Variants in REV1 observed in about 807,000 individuals in gnomAD.
REV1 encodes translesion synthesis protein REV1.
In REV1, 42 loss-of-function variants were observed where a neutral mutation model predicts 137.4. The observed-to-expected ratio is 0.31, with a 90% confidence interval of 0.24 to 0.40. The LOEUF (loss-of-function observed/expected upper bound fraction) is 0.40. Among genes scored for constraint, REV1 ranks in the 10% least tolerant of loss-of-function variants. The pLI, the probability that REV1 is intolerant of heterozygous loss-of-function variation, is 1.00. For synonymous variants in REV1, 524 were observed against 519.2 expected (o/e 1.01, Z -0.12); for missense variants, 1,282 against 1,490.1 (o/e 0.86, Z 2.30).
intron 3 of REV1, 43 bp downstream of exon 3, chr2:99,462,452 AT>A (rs1282967378): frequency 1.3e-6 from 2 of 1,549,730 alleles, no homozygotes; most frequent in African/African-American, 2.8e-5. Flanking sequence ...CTCAATCCTA[AT>A]AAAAATACAT....
Position 99,406,404 on chromosome 2 carries a change from A to G in REV1, c.2535T>C (p.Phe845=). Residue 845 remains phenylalanine (F), a synonymous_variant, in exon 16 of 23, where the codon TTT becomes TTC. Coordinates refer to ENST00000258428, the MANE Select transcript of REV1 (RefSeq NM_016316.4). ...PSRPSVQSSH[F]PSGSYSVRDV... ...CACGGACAGAGTATGACCCACTAGG[A>G]AAGTGGCTTGACTGAACTGATGGGC... 2 of 1,613,948 alleles carry G rather than the reference A, an allele frequency of 1.2e-6. No individual in the cohort carries two copies. Among genetic ancestry groups the G allele is most frequent in the Non-Finnish European group, 1.7e-6 (2 of 1,179,838 alleles).
At chr2:99,461,467 A>T (rs28369952) in intron 3 of REV1, among the ~76,000 whole-genome samples, 20 of 152,224 alleles carry the variant, frequency 1.3e-4, no homozygotes, top group Non-Finnish European at 2.9e-5. Context: ...AAGTCACCTA[A>T]ATCAGTATGA....
chr2:99,447,608 G>A (rs1161745640), intron 4 of REV1, among the ~76,000 whole-genome samples: 1 of 152,316 alleles, frequency 6.6e-6, no homozygotes, highest in East Asian at 1.9e-4. Context: ...GCTAGGCACT[G>A]CACCAGGTTG....
Position 99,424,817 on chromosome 2 carries a change from C to T in REV1, c.1548-537G>A, listed in dbSNP as rs919405148. 36 of 1,304,206 alleles carry T rather than the reference C, an allele frequency of 2.8e-5. 1 individual carries two copies. The East Asian group carries it at 1.1e-3, about 40-fold the overall frequency. The allele number at this position is 1,304,206 out of a possible 1,614,324, so 80.8% of individuals were successfully genotyped here. On this transcript the variant is annotated intron_variant, in intron 9 of 22. Transcript: ENST00000258428. Reference sequence around the variant, plus strand: ...CAATTCCATGCTCCTGAAGTGGCTCCACAGTGGTTGAGATGCCAACAGCAT... The same window carrying T: ...CAATTCCATGCTCCTGAAGTGGCTCTACAGTGGTTGAGATGCCAACAGCAT...
intron 4 of REV1, among the ~76,000 whole-genome samples, chr2:99,444,766 C>T (rs1161183216): frequency 6.6e-6 from 1 of 152,136 alleles, no homozygotes; most frequent in Non-Finnish European, 1.5e-5. Context: ...GATATATAGA[C>T]AGAAACATTA....
chr2:99,444,842 A>T (rs888305434), intron 4 of REV1, among the ~76,000 whole-genome samples: 1 of 152,078 alleles, frequency 6.6e-6, no homozygotes, highest in Admixed American at 6.5e-5. Context: ...CACATTTACT[A>T]TTTCCCCTCT....
At chr2:99,407,563 C>A (rs868372959) in intron 15 of REV1, among the ~76,000 whole-genome samples, 47 of 149,454 alleles carry the variant, frequency 3.1e-4, no homozygotes, top group South Asian at 1.0e-3. Flanking sequence ...AAAAAAAAAA[C>A]CCCACACAAA....
chr2:99,424,090 T>C (rs1393543804), intron 10 of REV1, 62 bp downstream of exon 10: 5 of 1,553,660 alleles, frequency 3.2e-6, no homozygotes, highest in Middle Eastern at 3.4e-4. Flanking sequence ...ACTTGAACTG[T>C]CTTTACTATT....
At chr2:99,482,641 GA>G (rs1686728259) in intron 1 of REV1, among the ~76,000 whole-genome samples, 1 of 152,070 alleles carries the variant, frequency 6.6e-6, no homozygotes, top group South Asian at 2.1e-4. Flanking sequence ...AATTAAATGA[GA>G]AAAAAGTTAG....
At chr2:99,434,269 A>G in intron 8 of REV1, 63 bp downstream of exon 8, 1 of 1,073,214 alleles carries the variant, frequency 9.3e-7, no homozygotes, top group South Asian at 1.7e-5. Context: ...CAACCATGCC[A>G]AATAGCAAAA....
chr2:99,465,414 C>A (rs1452182100), intron 1 of REV1, among the ~76,000 whole-genome samples: 1 of 152,156 alleles, frequency 6.6e-6, no homozygotes, highest in Non-Finnish European at 1.5e-5. Flanking sequence ...ACATACTGGA[C>A]ACTTAAGAGT....
chr2:99,448,661 C>T (rs746891372), intron 4 of REV1, among the ~76,000 whole-genome samples: 7 of 152,218 alleles, frequency 4.6e-5, no homozygotes, highest in Non-Finnish European at 7.3e-5. Context: ...CATTCTTTCT[C>T]TCCCAACAGA....
chr2:99,472,054 A>G (rs1397172062), intron 1 of REV1, among the ~76,000 whole-genome samples: 1 of 152,166 alleles, frequency 6.6e-6, no homozygotes, highest in East Asian at 1.9e-4. Context: ...ACTTGTGAGT[A>G]TATATCCAAA....
intron 12 of REV1, among the ~76,000 whole-genome samples, chr2:99,414,079 C>T (rs1335600912): frequency 6.6e-6 from 1 of 152,092 alleles, no homozygotes; most frequent in East Asian, 1.9e-4. Context: ...CCCTTGAGCC[C>T]GAGAGTTTGA....
chr2:99,451,505 G>A, intron 3 of REV1: 1 of 1,302,646 alleles, frequency 7.7e-7, no homozygotes, highest in Non-Finnish European at 1.0e-6. Flanking sequence ...AACCAATCTA[G>A]TTAAAAGGCA....
intron 1 of REV1, among the ~76,000 whole-genome samples, chr2:99,468,780 C>T (rs1055049819): frequency 6.6e-6 from 1 of 152,086 alleles, no homozygotes; most frequent in African/African-American, 2.4e-5. Flanking sequence ...TGCAAAAGTA[C>T]CCTTACCCTT....
chr2:99,430,667 A>T (rs1204714116), intron 8 of REV1, among the ~76,000 whole-genome samples: 1 of 152,220 alleles, frequency 6.6e-6, no homozygotes, highest in African/African-American at 2.4e-5. Flanking sequence ...ACATCTCTTA[A>T]TATCCAAACC....
rs371487243 is a variant in REV1 at position 99,438,867 on chromosome 2, G to A, written c.947C>T (p.Thr316Ile). The A allele has an allele frequency of 1.7e-5, 28 of 1,614,212 alleles. No homozygotes were observed. Among genetic ancestry groups the A allele is most frequent in the Non-Finnish European group, 2.3e-5 (27 of 1,180,046 alleles). Residue 316 changes from threonine to isoleucine, a missense_variant, in exon 6 of 23, where the codon ACT becomes ATT. By Grantham distance (89) the Thr-to-Ile change is moderately conservative. Around this residue, in one of 7 missense-constraint regions of REV1, gnomAD observed 432 missense variants for 438.0 expected, o/e 0.99. Coordinates refer to ENST00000258428, the MANE Select transcript of REV1 (RefSeq NM_016316.4). ...TTTTGTGCTTGAAGGCCCCTGAACAGTGGAGTGGTGAGCACCATTGATTTT... is the reference window on the plus strand; with the variant it reads ...TTTTGTGCTTGAAGGCCCCTGAACAATGGAGTGGTGAGCACCATTGATTTT... ...NTKINGAHHS[T>I]VQGPSSTKST...
Position 99,401,222 on chromosome 2 carries a change from T to G in REV1, c.*19A>C, listed in dbSNP as rs199687154. On this transcript the variant is annotated 3_prime_UTR_variant, in exon 23 of 23. Transcript: ENST00000258428. The stretch of plus-strand genomic sequence containing the variant: ...CTTATGGCACAGCTATCAGAGAGCA[T>G]CAGGCTCTCTGGTAATATTTATGTA... 1 of 1,478,678 alleles carries G rather than the reference T, an allele frequency of 6.8e-7. No individual in the cohort carries two copies. Among genetic ancestry groups the G allele is most frequent in the East Asian group, 2.3e-5 (1 of 44,226 alleles). The allele number at this position is 1,478,678 out of a possible 1,614,324, so 91.6% of individuals were successfully genotyped here.
Sources: allele counts gnomAD v4.1 joint callset (sites outside exome capture counted in the v4.1 genomes callset), GRCh38; gene constraint gnomAD v4.1.1; regional missense constraint gnomAD v4.1.1; transcripts MANE v1.5; gene names NCBI Gene and HGNC (gene_info 2026-07-23, HGNC 2026-07-21).